The following EPS8L2 variants were observed in gnomAD, a reference collection of about 807,000 sequenced individuals.
EPS8L2 encodes epidermal growth factor receptor kinase substrate 8-like protein 2.
A neutral mutation model predicts 99.4 loss-of-function variants in EPS8L2; 81 were observed. The ratio of observed to expected loss-of-function variants is 0.82; its 90% CI spans 0.68 to 0.98. The LOEUF (loss-of-function observed/expected upper bound fraction) is 0.98, where lower values mean the gene tolerates loss of function less well. Among genes scored for constraint, EPS8L2 ranks in the 50% least tolerant of loss-of-function variants. EPS8L2 has a pLI of 0.00. For missense variants in EPS8L2, 1,155 were observed against 968.8 expected, an observed-to-expected ratio of 1.19 and a Z score of -2.55; for synonymous variants, 509 against 407.3, an observed-to-expected ratio of 1.25 and a Z score of -3.01.
chr11:724,715 T>C lies in EPS8L2; in HGVS notation c.1455-9T>C, dbSNP rs772716511. On this transcript the variant is annotated splice_polypyrimidine_tract_variant and intron_variant, in intron 15 of 20. Transcript: ENST00000318562. The surrounding 1 kb of genome is among the most constrained non-coding windows in gnomAD (Gnocchi z 5.5). ...CAGACTGGGCCTCAGCCCCTCCTGT[T>C]CCTCACAGGGGCTACCAGCCAACAC... 3 of 1,605,904 alleles carry C rather than the reference T, an allele frequency of 1.9e-6. No homozygotes were observed. In the Admixed American group the frequency reaches 5.0e-5, roughly 27 times the overall value.
Position 710,463 on chromosome 11 carries a change from G to C in EPS8L2, c.142G>C (p.Glu48Gln), listed in dbSNP as rs374333852. 12 of 1,613,614 alleles carry C rather than the reference G, an allele frequency of 7.4e-6. No individual in the cohort carries two copies. Among genetic ancestry groups the C allele is most frequent in the East Asian group, 2.2e-5 (1 of 44,892 alleles). ...TTCCAACTCCAACGTCATCATGCACGAGACCTCGCAGTACCACGTCCAGGT... is the reference window on the plus strand; with the variant it reads ...TTCCAACTCCAACGTCATCATGCACCAGACCTCGCAGTACCACGTCCAGGT... Reference protein sequence around the residue: ...KYSNSNVIMHETSQYHVQHLA... With the variant: ...KYSNSNVIMHQTSQYHVQHLA... The change falls in exon 4 of 21, where the codon GAG becomes CAG. Residue 48 changes from glutamate (E) to glutamine (Q), a missense_variant. Glu to Gln is a conservative substitution (Grantham distance 29). Transcript: ENST00000318562.
chr11:716,180 G>A (rs1157965931), intron 4 of EPS8L2, among the ~76,000 whole-genome samples: 13 of 144,486 alleles, frequency 9.0e-5, no homozygotes, highest in East Asian at 4.2e-4. Flanking sequence ...ACAGAGTCTC[G>A]CTCTGTCACC....
chr11:722,180 G>A lies in EPS8L2; in HGVS notation c.1059+15G>A. ...CTCTGGACCTGGTGCCTGGGGCCGG[G>A]CGGCAGGGGCGCGCAGGGTGGGGGC... On this transcript the variant is annotated intron_variant, in intron 12 of 20. Transcript: ENST00000318562. 6.2e-7 allele frequency: 1 copy of A among 1,610,474 alleles called. No individual in the cohort carries two copies. The highest frequency in any genetic ancestry group is 8.5e-7 in the Non-Finnish European group (1 of 1,178,850).
chr11:710,876 G>T (rs1463186909), intron 4 of EPS8L2, among the ~76,000 whole-genome samples: 2 of 152,136 alleles, frequency 1.3e-5, no homozygotes, highest in Non-Finnish European at 2.9e-5. Flanking sequence ...ACACTGTCCC[G>T]GGCTCAGCCA....
intron 14 of EPS8L2, 76 bp from the exon 15 acceptor site, chr11:723,165 C>A: frequency 4.1e-6 from 3 of 735,496 alleles, no homozygotes; most frequent in Non-Finnish European, 7.2e-6. Flanking sequence ...ATTAGCCCAG[C>A]CCCTGTCATA....
chr11:715,988 T>C lies in EPS8L2; in HGVS notation c.166-4074T>C, dbSNP rs1292273349. ...TTTATCTTTTTTTTTTTTTTTTTTT[T>C]CTGAGATGGAGTCTCACTCTGTCAC... On this transcript the variant is annotated intron_variant, in intron 4 of 20. Coordinates refer to ENST00000318562, the MANE Select transcript of EPS8L2 (RefSeq NM_022772.4). 4.6e-4 allele frequency among the ~76,000 whole-genome samples: 54 copies of C among 117,086 alleles called. 1 individual carries two copies. Among genetic ancestry groups the C allele is most frequent in the African/African-American group, 1.6e-3 (45 of 28,430 alleles). The allele number at this position is 117,086 out of a possible 152,430, so 76.8% of individuals were successfully genotyped here.
Position 721,165 on chromosome 11 carries a change from C to G in EPS8L2, c.659C>G (p.Ala220Gly). Residue 220 changes from alanine (A) to glycine (G), a missense_variant, in exon 8 of 21, where the codon GCC becomes GGC. Ala to Gly is a moderately conservative substitution (Grantham distance 60). Coordinates refer to ENST00000318562, the MANE Select transcript of EPS8L2 (RefSeq NM_022772.4). ...FQHRGGDSPE[A>G]KNRVGPQVPL... ...CACCGCGGCGGGGATTCCCCGGAGG[C>G]CAAGAATCGCGTGGGCCCGCAGGTG... 1 of 1,535,488 alleles carries G rather than the reference C, an allele frequency of 6.5e-7. No individual in the cohort carries two copies. Among genetic ancestry groups the G allele is most frequent in the Non-Finnish European group, 8.7e-7 (1 of 1,143,204 alleles).
chr11:720,779 C>T (rs1365441854), intron 6 of EPS8L2, 33 bp downstream of exon 6: 3 of 1,539,628 alleles, frequency 1.9e-6, no homozygotes, highest in Non-Finnish European at 2.6e-6. Flanking sequence ...AGGGTGGGGC[C>T]CCGCCGCGCC....
In EPS8L2 at chr11:716,304, C is replaced by A. The variant is rs563724098; in HGVS notation, c.166-3758C>A. On this transcript the variant is annotated intron_variant, in intron 4 of 20. Transcript: ENST00000318562. The stretch of plus-strand genomic sequence containing the variant: ...GCTGGGACTACAGGCGCCCGCCACC[C>A]CGCCCGGCTAATTTTTTGTGTTTTT... Among the ~76,000 whole-genome samples, 11 of 151,906 alleles carry A rather than the reference C, an allele frequency of 7.2e-5. 1 individual carries two copies. The highest frequency in any genetic ancestry group is 2.4e-4 in the African/African-American group (10 of 41,440).
chr11:717,803 A>G (rs950948764), intron 4 of EPS8L2, among the ~76,000 whole-genome samples: 1 of 151,332 alleles, frequency 6.6e-6, no homozygotes, highest in African/African-American at 2.4e-5. Flanking sequence ...AGGTCAGGAG[A>G]TGGAGACCAT....
intron 4 of EPS8L2, among the ~76,000 whole-genome samples, chr11:712,555 G>A (rs1420142718): frequency 6.6e-6 from 1 of 152,232 alleles, no homozygotes; most frequent in Non-Finnish European, 1.5e-5. Flanking sequence ...AAGGAGGGAG[G>A]GTGAGGGAGC....
intron 1 of EPS8L2, chr11:709,106 G>A (rs1729637443): frequency 3.7e-6 from 2 of 545,992 alleles, no homozygotes; most frequent in Non-Finnish European, 6.5e-6. Flanking sequence ...CCTCTGGGGG[G>A]TCCCTGTGGA....
chr11:722,667 C>A lies in EPS8L2; in HGVS notation c.1209-6C>A. The A allele has an allele frequency of 6.2e-7, 1 of 1,607,760 alleles. No individual in the cohort carries two copies. Among genetic ancestry groups the A allele is most frequent in the Non-Finnish European group, 8.5e-7 (1 of 1,177,866 alleles). Reference sequence around the variant, plus strand: ...GCAGGGCTGACTTCAGGACCTCTCACCCCAGTTCCGAGTGGCCGCGGGAGC... The same window carrying A: ...GCAGGGCTGACTTCAGGACCTCTCAACCCAGTTCCGAGTGGCCGCGGGAGC... On this transcript the variant is annotated splice_region_variant and splice_polypyrimidine_tract_variant and intron_variant, in intron 13 of 20. Transcript: ENST00000318562.
chr11:721,496 G>A, intron 9 of EPS8L2, 69 bp from the exon 10 acceptor site: 1 of 1,513,224 alleles, frequency 6.6e-7, no homozygotes, highest in Non-Finnish European at 8.8e-7. Context: ...CATCTGTGGG[G>A]CTGTCCCTGC....
chr11:718,434 A>G (rs117668089), intron 4 of EPS8L2, among the ~76,000 whole-genome samples: 9 of 152,010 alleles, frequency 5.9e-5, no homozygotes, highest in African/African-American at 1.4e-4. Flanking sequence ...CTTTCATTCA[A>G]TGGTGTTGCA....
At chr11:726,058 G>A (rs1300922656) in intron 17 of EPS8L2, 40 bp from the exon 18 acceptor site, 2 of 1,423,166 alleles carry the variant, frequency 1.4e-6, no homozygotes, top group Non-Finnish European at 1.9e-6. Context: ...GGGAGGCGGG[G>A]GCGGGGCGTG....
chr11:719,335 C>T (rs1033243244), intron 4 of EPS8L2, among the ~76,000 whole-genome samples: 4 of 152,118 alleles, frequency 2.6e-5, no homozygotes, highest in Non-Finnish European at 5.9e-5. Context: ...TAGTGTTTAT[C>T]CAGCTGTGCC....
Position 710,411 on chromosome 11 carries a change from T to A in EPS8L2, c.101-11T>A. The A allele has an allele frequency of 6.2e-7, 1 of 1,613,126 alleles. No individual in the cohort carries two copies. The stretch of plus-strand genomic sequence containing the variant: ...GCCCGTCGGGGGAGTGACTGGTGTC[T>A]CCCGGTTCAGAGCAGAGGAAGAAGT... On this transcript the variant is annotated splice_polypyrimidine_tract_variant and intron_variant, in intron 3 of 20. Coordinates refer to ENST00000318562, the MANE Select transcript of EPS8L2 (RefSeq NM_022772.4).
In EPS8L2 at chr11:726,693, G is replaced by C; in HGVS notation, c.2009G>C (p.Cys670Ser). The part of the protein sequence containing the change: ...SLNKEELKKV[C>S]GEEGVRVYSQ... ...AACAAGGAGGAGCTGAAGAAAGTGT[G>C]CGGCGAGGAGGGCGTCCGCGTGTAC... The change falls in exon 20 of 21, where the codon TGC becomes TCC. Residue 670 changes from cysteine to serine, a missense_variant. Coordinates refer to ENST00000318562, the MANE Select transcript of EPS8L2 (RefSeq NM_022772.4). 1 of 1,586,810 alleles carries C rather than the reference G, an allele frequency of 6.3e-7. No individual in the cohort carries two copies. Among genetic ancestry groups the C allele is most frequent in the Non-Finnish European group, 8.6e-7 (1 of 1,168,088 alleles).
Sources: gnomAD v4.1 joint callset for allele counts (sites outside exome capture counted in the v4.1 genomes callset) on GRCh38, gnomAD v4.1.1 for gene constraint, Gnocchi (gnomAD v3.1) non-coding constraint, MANE v1.5 for transcripts, NCBI Gene and HGNC (gene_info 2026-07-23, HGNC 2026-07-21) for gene names.